The following CENPP variants were observed in gnomAD, a reference collection of about 807,000 sequenced individuals.
CENPP encodes centromere protein P.
Under a neutral mutation model 35.6 loss-of-function variants are expected in CENPP, and 24 were observed. That is an observed-to-expected ratio of 0.67 (90% CI 0.49 to 0.95). The LOEUF is 0.95. CENPP is among the 40% of genes least tolerant of loss of function. The pLI is 0.00. For synonymous variants in CENPP, 120 were observed against 125.5 expected (o/e 0.96, Z 0.29); for missense variants, 332 against 345.3 (o/e 0.96, Z 0.31).
At chr9:92,533,976 G>T (rs1849016131) in intron 5 of CENPP, among the ~76,000 whole-genome samples, 1 of 152,032 alleles carries the variant, frequency 6.6e-6, no homozygotes, top group Admixed American at 6.5e-5. Context: ...CTTGGTAAAA[G>T]AATGGAATGT....
At chr9:92,592,323 C>T (rs972633509) in intron 5 of CENPP, among the ~76,000 whole-genome samples, 2 of 152,192 alleles carry the variant, frequency 1.3e-5, no homozygotes, top group African/African-American at 4.8e-5. Context: ...AGGGCGAGCA[C>T]TGCTGGCTCC....
rs538781847 is a variant in CENPP at position 92,335,588 on chromosome 9, T to TG, written c.290-1953_290-1952insG. On this transcript the variant is annotated intron_variant, in intron 2 of 7. Transcript: ENST00000375587. Reference sequence around the variant, plus strand: ...TAGTCAGTGTCTAGATTCTTTTTTTTTTTTGTTTTGCATATGGATGTTCAG... The same window carrying TG: ...TAGTCAGTGTCTAGATTCTTTTTTTTGTTTTGTTTTGCATATGGATGTTCAG... 7.4e-4 allele frequency among the ~76,000 whole-genome samples: 112 copies of TG among 152,246 alleles called. 1 individual carries two copies. The highest frequency in any genetic ancestry group is 2.4e-3 in the African/African-American group (98 of 41,542).
chr9:92,590,101 T>C (rs140125649), intron 5 of CENPP, among the ~76,000 whole-genome samples: 96 of 152,330 alleles, frequency 6.3e-4, no homozygotes, highest in African/African-American at 2.1e-3. Context: ...GCTTTGCAAA[T>C]GCTCCTGGAG....
Position 92,619,338 on chromosome 9 carries a change from C to A in CENPP, c.*6189C>A. On this transcript the variant is annotated 3_prime_UTR_variant, in exon 8 of 8. Coordinates refer to ENST00000375587, the MANE Select transcript of CENPP (RefSeq NM_001012267.3). ...TTCTAGAGGGCGAGAGTTAGTAAGC[C>A]CCATGATGTCACATAGGCCAAGGAA... 1 of 635,918 alleles carries A rather than the reference C, an allele frequency of 1.6e-6. No homozygotes were observed. The highest frequency in any genetic ancestry group is 1.8e-5 in the African/African-American group (1 of 55,754). 39.4% of individuals were successfully genotyped at this position (635,918 alleles called of 1,614,324 possible).
At chr9:92,576,645 AAAT>A (rs1031345789) in intron 5 of CENPP, among the ~76,000 whole-genome samples, 4 of 152,186 alleles carry the variant, frequency 2.6e-5, no homozygotes, top group East Asian at 1.9e-4. Context: ...ATTAAGATTT[AAAT>A]AATAATTGTT....
At chr9:92,534,939 G>T (rs976495851) in intron 5 of CENPP, among the ~76,000 whole-genome samples, 12 of 152,074 alleles carry the variant, frequency 7.9e-5, no homozygotes, top group African/African-American at 2.9e-4. Context: ...CTCTCATGAG[G>T]GTCTCAGGCA....
intron 5 of CENPP, among the ~76,000 whole-genome samples, chr9:92,549,531 C>T (rs150845646): frequency 3.0e-4 from 45 of 152,036 alleles, no homozygotes; most frequent in African/African-American, 9.4e-4. Context: ...CCTGTAGTCC[C>T]AGCCACTCGG....
At chr9:92,388,562 C>T (rs1254622317) in intron 5 of CENPP, among the ~76,000 whole-genome samples, 1 of 151,642 alleles carries the variant, frequency 6.6e-6, no homozygotes, top group South Asian at 2.1e-4. Flanking sequence ...AAAAAAAGGC[C>T]AGGCACGGTG....
chr9:92,520,710 TTCA>T (rs1278536780), intron 5 of CENPP, among the ~76,000 whole-genome samples: 11 of 152,222 alleles, frequency 7.2e-5, no homozygotes, highest in Non-Finnish European at 8.8e-5. Flanking sequence ...AGCCCAGATG[TTCA>T]TCAACTGGTA....
chr9:92,482,352 A>G (rs1466973090), intron 5 of CENPP: 1 of 152,188 alleles, frequency 6.6e-6, no homozygotes, highest in Non-Finnish European at 1.5e-5. Flanking sequence ...CTACTTATCT[A>G]TAATGTAAAT....
chr9:92,607,662 G>T (rs1178792252), intron 5 of CENPP, among the ~76,000 whole-genome samples: 9 of 152,136 alleles, frequency 5.9e-5, no homozygotes, highest in Non-Finnish European at 1.2e-4. Flanking sequence ...CGTATCTGTG[G>T]ACACCCAAGG....
chr9:92,404,800 G>T, intron 5 of CENPP: 1 of 345,838 alleles, frequency 2.9e-6, no homozygotes, highest in Non-Finnish European at 4.6e-6. Context: ...TTATTATTGT[G>T]TAATAAACAT....
chr9:92,438,213 A>G (rs977440107), intron 5 of CENPP, among the ~76,000 whole-genome samples: 2 of 152,086 alleles, frequency 1.3e-5, no homozygotes, highest in Non-Finnish European at 2.9e-5. Context: ...CAGAAGTTTT[A>G]TAAGTTTTAT....
chr9:92,549,117 G>C (rs1588266270), intron 5 of CENPP, among the ~76,000 whole-genome samples: 1 of 152,110 alleles, frequency 6.6e-6, no homozygotes, highest in African/African-American at 2.4e-5. Context: ...TCACGTGGAC[G>C]GTTTCAAGGA....
chr9:92,480,540 A>G (rs1845878054), intron 5 of CENPP, among the ~76,000 whole-genome samples: 1 of 152,250 alleles, frequency 6.6e-6, no homozygotes, highest in Admixed American at 6.5e-5. Flanking sequence ...AGTTCTTAAA[A>G]GAGTTCATAA....
intron 5 of CENPP, among the ~76,000 whole-genome samples, chr9:92,563,702 C>T (rs1262558780): frequency 1.3e-5 from 2 of 151,842 alleles, no homozygotes; most frequent in Non-Finnish European, 2.9e-5. Flanking sequence ...AGAGAAACTC[C>T]CTCTCTCTTG....
intron 5 of CENPP, among the ~76,000 whole-genome samples, chr9:92,442,926 G>C (rs990892602): frequency 1.3e-5 from 2 of 151,184 alleles, no homozygotes; most frequent in African/African-American, 4.9e-5. Context: ...TAATTTGATA[G>C]AGGGTATCTA....
chr9:92,393,230 GAC>G (rs1842760902), intron 5 of CENPP: 7 of 1,589,834 alleles, frequency 4.4e-6, no homozygotes, highest in Non-Finnish European at 6.0e-6. Context: ...ACACACAGCA[GAC>G]ACGTGGGCAT....
chr9:92,448,916 G>A (rs1213467349), intron 5 of CENPP, among the ~76,000 whole-genome samples: 1 of 152,062 alleles, frequency 6.6e-6, no homozygotes, highest in Non-Finnish European at 1.5e-5. Flanking sequence ...AGTTAGCTCA[G>A]CCCAAAAGCA....
Sources: gnomAD v4.1 joint callset for allele counts (sites outside exome capture counted in the v4.1 genomes callset) on GRCh38, gnomAD v4.1.1 for gene constraint, MANE v1.5 for transcripts, NCBI Gene and HGNC (gene_info 2026-07-23, HGNC 2026-07-21) for gene names.